ZDHHC14: variants seen among roughly 807,000 people sequenced by gnomAD.
ZDHHC14 encodes the protein palmitoyltransferase ZDHHC14.
Under a neutral mutation model 47.7 loss-of-function variants are expected in ZDHHC14, and 16 were observed. That is an observed-to-expected ratio of 0.34 (90% CI 0.23 to 0.51). The LOEUF is 0.51. Among genes scored for constraint, ZDHHC14 ranks in the 20% least tolerant of loss-of-function variants. The pLI is 0.97. For synonymous variants in ZDHHC14, 293 were observed against 278.9 expected (o/e 1.05, Z -0.50); for missense variants, 515 against 662.5 (o/e 0.78, Z 2.44).
chr6:157,661,034 G>A (rs1313162222), intron 8 of ZDHHC14, among the ~76,000 whole-genome samples: 1 of 152,168 alleles, frequency 6.6e-6, no homozygotes, highest in Non-Finnish European at 1.5e-5. Flanking sequence ...GACGACATCT[G>A]AGAATTCGCC....
intron 3 of ZDHHC14, among the ~76,000 whole-genome samples, chr6:157,612,039 A>AC (rs11341822): frequency 1.3e-5 from 2 of 151,696 alleles, no homozygotes; most frequent in East Asian, 1.9e-4. Context: ...TTCCCCAGTG[A>AC]CCCCCCACCT....
At chr6:157,411,964 A>C (rs1343363115) in intron 1 of ZDHHC14, among the ~76,000 whole-genome samples, 1 of 151,178 alleles carries the variant, frequency 6.6e-6, no homozygotes, top group African/African-American at 2.4e-5. Context: ...TTTGAGATGG[A>C]GTCTCGCTCT....
At chr6:157,648,985 A>G (rs1308287540) in intron 7 of ZDHHC14, among the ~76,000 whole-genome samples, 3 of 152,202 alleles carry the variant, frequency 2.0e-5, no homozygotes, top group African/African-American at 7.2e-5. Flanking sequence ...CTTCATCTGC[A>G]TATGGCACGG....
chr6:157,469,194 G>A (rs1391680128), intron 1 of ZDHHC14, among the ~76,000 whole-genome samples: 2 of 152,012 alleles, frequency 1.3e-5, no homozygotes, highest in African/African-American at 2.4e-5. Flanking sequence ...AAGAACTCAG[G>A]GCCCTAAACA....
At chr6:157,400,438 G>C (rs1777611499) in intron 1 of ZDHHC14, among the ~76,000 whole-genome samples, 1 of 152,132 alleles carries the variant, frequency 6.6e-6, no homozygotes, top group Non-Finnish European at 1.5e-5. Flanking sequence ...TCTACATCCA[G>C]CAGCACATCA....
intron 1 of ZDHHC14, among the ~76,000 whole-genome samples, chr6:157,511,385 C>CT (rs35757516): frequency 0.48 from 70,290 of 145,458 alleles, 17,300 homozygotes; most frequent in African/African-American, 0.61. Context: ...CATGAGGAAA[C>CT]TTTTTTTTTT....
intron 1 of ZDHHC14, among the ~76,000 whole-genome samples, chr6:157,445,085 G>T (rs1237250820): frequency 2.0e-5 from 3 of 147,682 alleles, no homozygotes; most frequent in Non-Finnish European, 4.4e-5. Context: ...TCTGGCATGG[G>T]TCTTAGCACT....
intron 1 of ZDHHC14, among the ~76,000 whole-genome samples, chr6:157,429,126 A>G (rs1289452622): frequency 2.0e-5 from 3 of 152,040 alleles, no homozygotes; most frequent in East Asian, 3.9e-4. Context: ...CTTTGAAAAC[A>G]TTTCTGGGGG....
intron 3 of ZDHHC14, among the ~76,000 whole-genome samples, chr6:157,593,670 A>G (rs1246394276): frequency 6.6e-6 from 1 of 152,192 alleles, no homozygotes; most frequent in East Asian, 1.9e-4. Context: ...TTCCGCCAGG[A>G]CAGGCTAGGG....
At chr6:157,570,783 A>G (rs1483604793) in intron 2 of ZDHHC14, among the ~76,000 whole-genome samples, 1 of 149,494 alleles carries the variant, frequency 6.7e-6, no homozygotes, top group Non-Finnish European at 1.5e-5. Context: ...ATATATATAC[A>G]CACACACACA....
At chr6:157,595,174 A>ATTTTT (rs777568494) in intron 3 of ZDHHC14, among the ~76,000 whole-genome samples, 3 of 62,716 alleles carry the variant, frequency 4.8e-5, no homozygotes, top group African/African-American at 2.2e-4. Context: ...TCTAGGCTAG[A>ATTTTT]TTTTTTTTTT....
At chr6:157,593,482 A>G (rs1783999563) in intron 3 of ZDHHC14, among the ~76,000 whole-genome samples, 1 of 152,120 alleles carries the variant, frequency 6.6e-6, no homozygotes, top group Non-Finnish European at 1.5e-5. Flanking sequence ...CACCTACGGG[A>G]GGCACCCTTG....
intron 7 of ZDHHC14, among the ~76,000 whole-genome samples, chr6:157,650,930 G>A (rs1777803821): frequency 6.6e-6 from 1 of 152,168 alleles, no homozygotes; most frequent in African/African-American, 2.4e-5. Context: ...CTAACCTGGT[G>A]GGGTCTGAGA....
At chr6:157,652,645 G>A (rs1170064610) in intron 7 of ZDHHC14, among the ~76,000 whole-genome samples, 1 of 152,184 alleles carries the variant, frequency 6.6e-6, no homozygotes, top group Non-Finnish European at 1.5e-5. Flanking sequence ...ACTTGTCTGT[G>A]GGACAAGGGA....
chr6:157,550,249 C>G (rs1782165919), intron 2 of ZDHHC14, among the ~76,000 whole-genome samples: 1 of 152,210 alleles, frequency 6.6e-6, no homozygotes, highest in Non-Finnish European at 1.5e-5. Context: ...ACCGCAGCAT[C>G]ACACAGACAC....
intron 3 of ZDHHC14, among the ~76,000 whole-genome samples, chr6:157,624,475 A>G (rs1785323744): frequency 6.6e-6 from 1 of 152,218 alleles, no homozygotes; most frequent in South Asian, 2.1e-4. Context: ...TTAGTGTCTG[A>G]AAATTGTGTC....
chr6:157,626,086 T>C (rs1194089109), intron 3 of ZDHHC14, among the ~76,000 whole-genome samples: 1 of 152,224 alleles, frequency 6.6e-6, no homozygotes, highest in East Asian at 1.9e-4. Flanking sequence ...CCTGCTATGG[T>C]AGAAATGGTC....
chr6:157,436,753 G>A (rs570429493), intron 1 of ZDHHC14, among the ~76,000 whole-genome samples: 2 of 152,168 alleles, frequency 1.3e-5, no homozygotes, highest in Admixed American at 6.5e-5. Context: ...GGGAAGCCAG[G>A]CACGTTTGCT....
intron 1 of ZDHHC14, among the ~76,000 whole-genome samples, chr6:157,417,297 C>A (rs1778002864): frequency 6.6e-6 from 1 of 152,126 alleles, no homozygotes; most frequent in African/African-American, 2.4e-5. Context: ...ATGCTGTCAT[C>A]CCTACCCAAG....
Sources: gnomAD v4.1 joint callset for allele counts (sites outside exome capture counted in the v4.1 genomes callset) on GRCh38, gnomAD v4.1.1 for gene constraint, MANE v1.5 for transcripts, NCBI Gene and HGNC (gene_info 2026-07-23, HGNC 2026-07-21) for gene names.